Variants in CADPS2 observed in about 807,000 individuals in gnomAD.
CADPS2 encodes calcium dependent secretion activator 2, also known as calcium-dependent secretion activator 2.
Under a neutral mutation model 172.5 loss-of-function variants are expected in CADPS2, and 93 were observed. The ratio of observed to expected loss-of-function variants is 0.54; its 90% CI spans 0.46 to 0.64. The LOEUF (loss-of-function observed/expected upper bound fraction) is 0.64. CADPS2 is among the 30% of genes least tolerant of loss of function. CADPS2 has a pLI of 0.00. For missense variants in CADPS2, 1,420 were observed against 1,565.9 expected (o/e 0.91, Z 1.57); for synonymous variants, 546 against 555.2 (o/e 0.98, Z 0.23).
rs1563117731 is a variant in CADPS2, at chr7:122,347,717, AT to A, written c.3505-2037del. Among the ~76,000 whole-genome samples, 3 of 152,318 alleles carry A rather than the reference AT, an allele frequency of 2.0e-5. No homozygotes were observed. In the South Asian group the frequency reaches 6.2e-4, roughly 32 times the overall value. ...GTTTAAACAATTACAAGGATAAACA[AT>A]AAAAAAGCTAGACTGTTTTCTTCTT... On this transcript the variant is annotated intron_variant, in intron 27 of 29. Transcript: ENST00000449022.
At chr7:122,816,779 C>T (rs962523759) in intron 1 of CADPS2, among the ~76,000 whole-genome samples, 5 of 152,260 alleles carry the variant, frequency 3.3e-5, no homozygotes, top group Admixed American at 2.0e-4. Flanking sequence ...GTGACTTGCA[C>T]GTATATGCCC....
chr7:122,628,449 TAGAG>T (rs1031515583), intron 4 of CADPS2, among the ~76,000 whole-genome samples: 1 of 151,268 alleles, frequency 6.6e-6, no homozygotes, highest in Non-Finnish European at 1.5e-5. Flanking sequence ...GAGAGAGAAA[TAGAG>T]AGGGAGACTA....
chr7:122,722,889 GT>G (rs774401857), intron 2 of CADPS2, among the ~76,000 whole-genome samples: 5 of 151,616 alleles, frequency 3.3e-5, no homozygotes, highest in Non-Finnish European at 5.9e-5. Flanking sequence ...ATCTACAACA[GT>G]CTGATCTTTG....
At chr7:122,643,518 CT>C (rs1465245569) in intron 3 of CADPS2, among the ~76,000 whole-genome samples, 3 of 152,318 alleles carry the variant, frequency 2.0e-5, no homozygotes, top group African/African-American at 7.2e-5. Context: ...TGAGTTTCAG[CT>C]TTGCACTTCC....
At chr7:122,864,960 G>C (rs1365418762) in intron 1 of CADPS2, among the ~76,000 whole-genome samples, 1 of 152,134 alleles carries the variant, frequency 6.6e-6, no homozygotes, top group South Asian at 2.1e-4. Flanking sequence ...CTGTTTGTAT[G>C]TTTGTCCCCA....
At chr7:122,833,889 T>G (rs1807409311) in intron 1 of CADPS2, among the ~76,000 whole-genome samples, 1 of 152,142 alleles carries the variant, frequency 6.6e-6, no homozygotes, top group South Asian at 2.1e-4. Context: ...ATAAAAGTCT[T>G]TGATTAATTG....
intron 25 of CADPS2, among the ~76,000 whole-genome samples, chr7:122,361,635 T>C (rs781510326): frequency 6.6e-6 from 1 of 152,150 alleles, no homozygotes; most frequent in Non-Finnish European, 1.5e-5. Context: ...CTTAGGTCCA[T>C]GAGATTTTTC....
At chr7:122,744,223 T>C (rs947949142) in intron 1 of CADPS2, among the ~76,000 whole-genome samples, 9 of 152,206 alleles carry the variant, frequency 5.9e-5, no homozygotes, top group African/African-American at 1.7e-4. Flanking sequence ...AGTTTCACCT[T>C]GATTCATGAA....
At position 122,621,701 on chromosome 7, in the gene CADPS2, T is replaced by C. The variant is rs2075622542; in HGVS notation, c.884A>G (p.Lys295Arg). Residue 295 changes from lysine to arginine, a missense_variant, in exon 5 of 30, where the codon AAA becomes AGA. By Grantham distance (26) the Lys-to-Arg change is conservative. Transcript: ENST00000449022. ...DKMAKERKFP[K>R]FIAKDMENMY... ...ATTCTCCATATCTTTTGCTATAAAT[T>C]TGGGGAATTTTCTTTCCTTGAAAAT... The C allele has an allele frequency of 6.3e-7, 1 of 1,580,618 alleles. No individual in the cohort carries two copies.
chr7:122,885,738 C>A (rs181425672), intron 1 of CADPS2, among the ~76,000 whole-genome samples: 1,700 of 152,244 alleles, frequency 0.011, 31 homozygotes, highest in African/African-American at 0.039. Flanking sequence ...GCGCGGCCGG[C>A]GCTGTCGGTC....
intron 20 of CADPS2, among the ~76,000 whole-genome samples, chr7:122,396,001 G>A (rs1467278550): frequency 6.6e-6 from 1 of 152,024 alleles, no homozygotes; most frequent in Non-Finnish European, 1.5e-5. Context: ...GTAGAGACAG[G>A]GTTTCTCCAT....
chr7:122,374,696 G>GAGA (rs1300353438), intron 25 of CADPS2, among the ~76,000 whole-genome samples: 1 of 152,094 alleles, frequency 6.6e-6, no homozygotes, highest in Admixed American at 6.5e-5. Flanking sequence ...ACACAGGGAG[G>GAGA]AGAACATCAT....
At chr7:122,329,399 G>A (rs538954272) in intron 28 of CADPS2, among the ~76,000 whole-genome samples, 1 of 152,290 alleles carries the variant, frequency 6.6e-6, no homozygotes, top group South Asian at 2.1e-4. Flanking sequence ...AAAGGGCTCT[G>A]CTCTTGGGGC....
intron 2 of CADPS2, among the ~76,000 whole-genome samples, chr7:122,667,877 A>T (rs1261664515): frequency 2.0e-5 from 3 of 152,166 alleles, no homozygotes; most frequent in Non-Finnish European, 4.4e-5. Flanking sequence ...ATTTGAGGGA[A>T]ATACAAGGAC....
intron 3 of CADPS2, among the ~76,000 whole-genome samples, chr7:122,658,835 T>C (rs980824594): frequency 6.6e-6 from 1 of 152,088 alleles, no homozygotes; most frequent in Non-Finnish European, 1.5e-5. Flanking sequence ...TATACATATG[T>C]AACTAACCTG....
At chr7:122,695,191 T>C (rs1588478338) in intron 2 of CADPS2, among the ~76,000 whole-genome samples, 1 of 152,240 alleles carries the variant, frequency 6.6e-6, no homozygotes, top group East Asian at 1.9e-4. Flanking sequence ...ATTTCACCTA[T>C]AGCACCACCC....
At chr7:122,753,530 A>C (rs2093032848) in intron 1 of CADPS2, among the ~76,000 whole-genome samples, 1 of 152,190 alleles carries the variant, frequency 6.6e-6, no homozygotes, top group African/African-American at 2.4e-5. Flanking sequence ...AGTGAGATAA[A>C]CCTAACCTTA....
intron 1 of CADPS2, among the ~76,000 whole-genome samples, chr7:122,828,618 T>G (rs1350201974): frequency 6.6e-6 from 1 of 152,212 alleles, no homozygotes; most frequent in African/African-American, 2.4e-5. Flanking sequence ...TGTACTCATA[T>G]TTAAGTTATC....
chr7:122,686,321 G>T (rs1411871673), intron 2 of CADPS2, among the ~76,000 whole-genome samples: 2 of 152,180 alleles, frequency 1.3e-5, no homozygotes, highest in Non-Finnish European at 2.9e-5. Context: ...GAAACCTATT[G>T]TACATGTGAA....
Sources: allele counts gnomAD v4.1 joint callset (sites outside exome capture counted in the v4.1 genomes callset), GRCh38; gene constraint gnomAD v4.1.1; transcripts MANE v1.5; gene names NCBI Gene and HGNC (gene_info 2026-07-23, HGNC 2026-07-21).